Variants in XPO1 observed in about 807,000 individuals in gnomAD.
XPO1 encodes the protein exportin-1.
In XPO1, 5 loss-of-function variants were observed where a neutral mutation model predicts 133.3. The observed-to-expected ratio is 0.04, with a 90% CI of 0.02 to 0.08. The LOEUF (loss-of-function observed/expected upper bound fraction) is 0.08. XPO1 is among the 10% of genes least tolerant of loss of function. The pLI, the probability that XPO1 is intolerant of heterozygous loss-of-function variation, is 1.00. For missense variants in XPO1, 506 were observed against 1,267.5 expected (o/e 0.40, Z 9.12); for synonymous variants, 419 against 408.2 (o/e 1.03, Z -0.32).
intron 2 of XPO1, among the ~76,000 whole-genome samples, chr2:61,533,350 A>G (rs1285541116): frequency 6.6e-6 from 1 of 152,244 alleles, no homozygotes; most frequent in African/African-American, 2.4e-5. Flanking sequence ...CATTAACAGT[A>G]CCACTTTGAA....
In XPO1 at chr2:61,490,741, A is replaced by T. The variant is rs1049615749; in HGVS notation, c.1923T>A (p.Ile641=). 2 of 1,614,128 alleles carry T rather than the reference A, an allele frequency of 1.2e-6. No individual in the cohort carries two copies. Among genetic ancestry groups the T allele is most frequent in the Non-Finnish European group, 1.7e-6 (2 of 1,180,024 alleles). ...GTACTGTTTGATCTGTTTGTGCACC[A>T]ATCATGTACCCCACAGCTTCATAAA... ...HTFYEAVGYM[I]GAQTDQTVQE... The change falls in exon 17 of 25, where the codon ATT becomes ATA. Residue 641 remains isoleucine (I), a synonymous_variant. Transcript: ENST00000401558.
chr2:61,500,968 G>T (rs1432617680), intron 6 of XPO1, among the ~76,000 whole-genome samples: 1 of 152,156 alleles, frequency 6.6e-6, no homozygotes, highest in Non-Finnish European at 1.5e-5. Context: ...ATCGGGGCCT[G>T]AATAAACTTT....
chr2:61,512,963 G>C (rs1231447669), intron 4 of XPO1, among the ~76,000 whole-genome samples: 1 of 152,132 alleles, frequency 6.6e-6, no homozygotes, highest in Non-Finnish European at 1.5e-5. Context: ...TCGCGCCACT[G>C]TACTCTGGCC....
At position 61,481,289 on chromosome 2, in the gene XPO1, T is replaced by A. The variant is rs1307647054; in HGVS notation, c.2973-8A>T. 12 of 1,593,102 alleles carry A rather than the reference T, an allele frequency of 7.5e-6. No homozygotes were observed. The highest frequency in any genetic ancestry group is 2.6e-6 in the Non-Finnish European group (3 of 1,168,256). On this transcript the variant is annotated splice_region_variant and splice_polypyrimidine_tract_variant and intron_variant, in intron 23 of 24. Coordinates refer to ENST00000401558, the MANE Select transcript of XPO1 (RefSeq NM_003400.4). ...AAGAGCTTTACTTGAGCACTGCAAA[T>A]CAAAACACAATGATTAAATAATGAT...
rs1243355742 is a variant in XPO1, at chr2:61,491,487, CA to C, written c.1887+547del. Among the ~76,000 whole-genome samples the C allele has an allele frequency of 2.7e-3, 408 of 151,490 alleles. 2 individuals are homozygous for C. Among genetic ancestry groups the C allele is most frequent in the East Asian group, 4.9e-3 (25 of 5,054 alleles). ...ACACACACACACACACACACACACA[CA>C]CACACACACCCCAAAACAAAACAAA... On this transcript the variant is annotated intron_variant, in intron 16 of 24. Coordinates refer to ENST00000401558, the MANE Select transcript of XPO1 (RefSeq NM_003400.4).
At chr2:61,521,384 A>C (rs1369334393) in intron 4 of XPO1, among the ~76,000 whole-genome samples, 1 of 152,234 alleles carries the variant, frequency 6.6e-6, no homozygotes, top group Non-Finnish European at 1.5e-5. Context: ...TTAAATGAAA[A>C]TACTACTAGA....
chr2:61,483,271 C>T, intron 21 of XPO1, 180 bp from the exon 22 acceptor site: 1 of 569,086 alleles, frequency 1.8e-6, no homozygotes, highest in African/African-American at 1.9e-5. Context: ...ATATCCAATG[C>T]TGGCTTACTT....
intron 4 of XPO1, among the ~76,000 whole-genome samples, chr2:61,515,724 C>G (rs1396114224): frequency 6.6e-6 from 1 of 152,020 alleles, no homozygotes; most frequent in Non-Finnish European, 1.5e-5. Flanking sequence ...AGTGGATCAG[C>G]TTTGGTCTGC....
At chr2:61,513,352 G>T (rs55806663) in intron 4 of XPO1, among the ~76,000 whole-genome samples, 94,985 of 147,828 alleles carry the variant, frequency 0.64, 30,272 homozygotes, top group Middle Eastern at 0.73. Flanking sequence ...ATAAGAAAAC[G>T]TACAGAATAT....
intron 5 of XPO1, 41 bp from the exon 6 acceptor site, chr2:61,502,081 TATAA>T (rs749396639): frequency 1.9e-6 from 3 of 1,564,722 alleles, no homozygotes; most frequent in Non-Finnish European, 2.6e-6. Flanking sequence ...CTGAGGTAAG[TATAA>T]ATAAGAATAT....
At chr2:61,509,644 A>G (rs2104603510) in intron 4 of XPO1, among the ~76,000 whole-genome samples, 1 of 152,140 alleles carries the variant, frequency 6.6e-6, no homozygotes. Flanking sequence ...AGGAAAAAAA[A>G]AGGAAATGCT....
intron 21 of XPO1, chr2:61,483,347 G>A: frequency 2.9e-6 from 1 of 349,654 alleles, no homozygotes; most frequent in Non-Finnish European, 5.2e-6. Context: ...ATCATATAAT[G>A]GACTTTGGGG....
intron 2 of XPO1, among the ~76,000 whole-genome samples, chr2:61,531,912 T>C (rs1573230338): frequency 6.6e-6 from 1 of 152,316 alleles, no homozygotes; most frequent in African/African-American, 2.4e-5. Flanking sequence ...GCTTACAGAA[T>C]CACTGCAAGA....
At chr2:61,530,696 T>C (rs941827679) in intron 2 of XPO1, among the ~76,000 whole-genome samples, 1 of 151,638 alleles carries the variant, frequency 6.6e-6, no homozygotes, top group Non-Finnish European at 1.5e-5. Flanking sequence ...TTGTAAATAA[T>C]TTCTTCCCCT....
chr2:61,498,715 T>C lies in XPO1; in HGVS notation c.717A>G (p.Gly239=), dbSNP rs1697360733. ...TGATTAATTTGGTCTCAAAAATATATCCCAGGGGAATCCAGTTCAGAAATC... is the reference window on the plus strand; with the variant it reads ...TGATTAATTTGGTCTCAAAAATATACCCCAGGGGAATCCAGTTCAGAAATC... ...LLRFLNWIPL[G]YIFETKLIST... The change falls in exon 9 of 25, where the codon GGA becomes GGG. Residue 239 remains glycine (G), a synonymous_variant. Coordinates refer to ENST00000401558, the MANE Select transcript of XPO1 (RefSeq NM_003400.4). 8 of 1,614,068 alleles carry C rather than the reference T, an allele frequency of 5.0e-6. No homozygotes were observed. The highest frequency in any genetic ancestry group is 6.8e-6 in the Non-Finnish European group (8 of 1,180,000).
At chr2:61,522,354 A>G (rs1178581123) in intron 4 of XPO1, among the ~76,000 whole-genome samples, 2 of 152,174 alleles carry the variant, frequency 1.3e-5, no homozygotes, top group Non-Finnish European at 2.9e-5. Flanking sequence ...ACTGTGCCAT[A>G]GCCCATATTT....
chr2:61,527,679 C>T (rs933192840), intron 2 of XPO1, among the ~76,000 whole-genome samples: 1 of 152,072 alleles, frequency 6.6e-6, no homozygotes, highest in Non-Finnish European at 1.5e-5. Flanking sequence ...AAAGAGGGCT[C>T]CTAACATTTA....
At chr2:61,506,598 C>CAAAAAAAAAAAAA (rs71405128) in intron 4 of XPO1, among the ~76,000 whole-genome samples, 1 of 81,414 alleles carries the variant, frequency 1.2e-5, no homozygotes, top group Non-Finnish European at 2.3e-5. Flanking sequence ...GATTCCGTCT[C>CAAAAAAAAAAAAA]AAAAAAAAAA....
intron 4 of XPO1, among the ~76,000 whole-genome samples, chr2:61,508,245 G>T (rs1697921469): frequency 6.6e-6 from 1 of 152,110 alleles, no homozygotes; most frequent in African/African-American, 2.4e-5. Flanking sequence ...AACAAAGTCG[G>T]TGGGTCAAAT....
Sources: gnomAD v4.1 joint callset for allele counts (sites outside exome capture counted in the v4.1 genomes callset) on GRCh38, gnomAD v4.1.1 for gene constraint, MANE v1.5 for transcripts, NCBI Gene and HGNC (gene_info 2026-07-23, HGNC 2026-07-21) for gene names.